Variants in TMTC4 observed in about 807,000 individuals in gnomAD.
TMTC4 encodes the protein protein O-mannosyl-transferase TMTC4.
TMTC4 carries 65 observed loss-of-function variants against 86.0 expected under a neutral mutation model. The ratio of observed to expected loss-of-function variants is 0.76; its 90% CI spans 0.62 to 0.93. The LOEUF is 0.93. Ranked by LOEUF, TMTC4 falls within the 40% of genes least tolerant of loss-of-function variation. The pLI is 0.00. For missense variants in TMTC4, 866 were observed against 948.1 expected, an observed-to-expected ratio of 0.91 and a Z score of 1.14; for synonymous variants, 379 against 382.5, an observed-to-expected ratio of 0.99 and a Z score of 0.11.
chr13:100,650,521 G>A (rs1307903170), intron 6 of TMTC4, among the ~76,000 whole-genome samples: 1 of 152,228 alleles, frequency 6.6e-6, no homozygotes, highest in Non-Finnish European at 1.5e-5. Flanking sequence ...CTCAAAACTG[G>A]CACGTCATGT....
intron 6 of TMTC4, among the ~76,000 whole-genome samples, chr13:100,653,443 G>A (rs1359573376): frequency 2.0e-5 from 3 of 152,092 alleles, no homozygotes; most frequent in Non-Finnish European, 2.9e-5. Context: ...CGAGGTGGAC[G>A]GGGATAGGCA....
chr13:100,648,961 T>C (rs1884089126), intron 6 of TMTC4, among the ~76,000 whole-genome samples: 1 of 152,214 alleles, frequency 6.6e-6, no homozygotes, highest in African/African-American at 2.4e-5. Context: ...ACTGCTGGGA[T>C]TACAGGTGTG....
intron 6 of TMTC4, among the ~76,000 whole-genome samples, chr13:100,644,706 G>A (rs546481890): frequency 1.2e-3 from 177 of 152,264 alleles, no homozygotes; most frequent in Non-Finnish European, 1.9e-3. Flanking sequence ...ACAAAAAGTT[G>A]ACTTGACTTG....
intron 1 of TMTC4, among the ~76,000 whole-genome samples, chr13:100,672,185 C>T (rs1158986392): frequency 6.6e-6 from 1 of 152,240 alleles, no homozygotes; most frequent in Non-Finnish European, 1.5e-5. Context: ...GTCTCGGGCG[C>T]ACCCATGTTG....
At chr13:100,656,824 G>T (rs553505308) in intron 5 of TMTC4, among the ~76,000 whole-genome samples, 9 of 152,276 alleles carry the variant, frequency 5.9e-5, no homozygotes, top group African/African-American at 2.2e-4. Context: ...GATTACAGGT[G>T]TGAGCCACCG....
At chr13:100,669,344 T>C (rs1021108370) in intron 2 of TMTC4, among the ~76,000 whole-genome samples, 11 of 151,684 alleles carry the variant, frequency 7.3e-5, no homozygotes, top group Non-Finnish European at 1.6e-4. Flanking sequence ...AACAGAGAAA[T>C]CCTAAGGCGG....
At chr13:100,629,331 T>C (rs1000045000) in intron 12 of TMTC4, among the ~76,000 whole-genome samples, 7 of 152,100 alleles carry the variant, frequency 4.6e-5, no homozygotes, top group African/African-American at 1.7e-4. Context: ...AATGGTAAGA[T>C]GGTGTGTAGC....
chr13:100,615,713 A>C (rs1955124304), intron 15 of TMTC4, among the ~76,000 whole-genome samples: 1 of 148,050 alleles, frequency 6.8e-6, no homozygotes, highest in South Asian at 2.2e-4. Context: ...TTGGCATCCC[A>C]CAGTGCTGGG....
chr13:100,630,193 C>A (rs1881167380), intron 12 of TMTC4, among the ~76,000 whole-genome samples: 1 of 152,146 alleles, frequency 6.6e-6, no homozygotes, highest in Non-Finnish European at 1.5e-5. Context: ...GAAAACACAA[C>A]CACATCCTGC....
At chr13:100,653,910 T>C (rs955642744) in intron 6 of TMTC4, among the ~76,000 whole-genome samples, 10 of 152,184 alleles carry the variant, frequency 6.6e-5, no homozygotes, top group Non-Finnish European at 1.3e-4. Context: ...GAGCAGAAGA[T>C]GCAAACTACT....
chr13:100,659,075 A>ATC (rs1324569646), intron 5 of TMTC4, among the ~76,000 whole-genome samples: 4 of 152,282 alleles, frequency 2.6e-5, no homozygotes, highest in Admixed American at 1.3e-4. Context: ...TGAAACACTC[A>ATC]GAGTTTTCTG....
intron 1 of TMTC4, chr13:100,674,241 G>GCGGCGCGGCGGGGGAGC: frequency 1.0e-6 from 1 of 980,568 alleles, no homozygotes; most frequent in South Asian, 4.7e-5. Context: ...GCAGGCGCTC[G>GCGGCGCGGCGGGGGAGC]CGGCGCGGCG....
chr13:100,643,899 T>C (rs531344500), intron 6 of TMTC4, among the ~76,000 whole-genome samples: 1 of 152,180 alleles, frequency 6.6e-6, no homozygotes, highest in Admixed American at 6.5e-5. Flanking sequence ...AACTGGATAG[T>C]GTAACAAATA....
chr13:100,619,382 G>A (rs1879141381), intron 15 of TMTC4, among the ~76,000 whole-genome samples: 1 of 149,354 alleles, frequency 6.7e-6, no homozygotes, highest in South Asian at 2.1e-4. Flanking sequence ...CACAGTGATG[G>A]ATTTTTTAGC....
At chr13:100,658,836 A>G (rs1042389336) in intron 5 of TMTC4, among the ~76,000 whole-genome samples, 4 of 152,222 alleles carry the variant, frequency 2.6e-5, no homozygotes, top group African/African-American at 9.6e-5. Flanking sequence ...AAGTGTTTTA[A>G]AGCAAAAGAG....
intron 15 of TMTC4, 155 bp downstream of exon 15, chr13:100,625,380 A>G (rs1336576473): frequency 1.9e-6 from 2 of 1,078,908 alleles, no homozygotes; most frequent in East Asian, 2.6e-5. Flanking sequence ...AAATTACTCA[A>G]AAGGAAATCA....
rs115319874 is a variant in TMTC4, at chr13:100,606,294, A to G, written c.2134+64T>C. 1.2e-3 allele frequency: 1,680 copies of G among 1,349,954 alleles called. 21 individuals are homozygous for G. The African/African-American group carries it at 0.021, about 17-fold the overall frequency. 83.6% of individuals were successfully genotyped at this position (1,349,954 alleles called of 1,614,324 possible). On this transcript the variant is annotated intron_variant, in intron 18 of 18. Transcript: ENST00000342624. The stretch of plus-strand genomic sequence containing the variant: ...TACTCTCCCAACATTAATTTTATAG[A>G]CATGCACCCACTTCATTAAAGTAAC...
intron 6 of TMTC4, among the ~76,000 whole-genome samples, chr13:100,651,409 T>A (rs1448472108): frequency 2.0e-5 from 3 of 150,680 alleles, no homozygotes; most frequent in Admixed American, 6.6e-5. Context: ...TTTGTTTTTT[T>A]AAAGAAAATG....
chr13:100,644,195 T>G (rs931626990), intron 6 of TMTC4, among the ~76,000 whole-genome samples: 2 of 147,504 alleles, frequency 1.4e-5, no homozygotes, highest in Non-Finnish European at 3.0e-5. Flanking sequence ...AAGTTCCGCC[T>G]CCTGGGTTCA....
Sources: gnomAD v4.1 joint callset for allele counts (sites outside exome capture counted in the v4.1 genomes callset) on GRCh38, gnomAD v4.1.1 for gene constraint, MANE v1.5 for transcripts, NCBI Gene and HGNC (gene_info 2026-07-23, HGNC 2026-07-21) for gene names.